SDCCAG8: variants seen among roughly 807,000 people sequenced by gnomAD.
SDCCAG8 encodes SHH signaling and ciliogenesis regulator SDCCAG8, also known as serologically defined colon cancer antigen 8.
In SDCCAG8, 74 loss-of-function variants were observed where a neutral mutation model predicts 101.8. The observed-to-expected ratio is 0.73, with a 90% CI of 0.60 to 0.88. SDCCAG8 has a LOEUF of 0.88. Ranked by LOEUF, SDCCAG8 falls within the 40% of genes least tolerant of loss-of-function variation. The pLI, the probability that SDCCAG8 is intolerant of heterozygous loss-of-function variation, is 0.00. For synonymous variants in SDCCAG8, 281 were observed against 292.9 expected (o/e 0.96, Z 0.41); for missense variants, 787 against 822.6 (o/e 0.96, Z 0.53).
chr1:243,419,360 C>T (rs2080829019), intron 15 of SDCCAG8, among the ~76,000 whole-genome samples: 1 of 152,052 alleles, frequency 6.6e-6, no homozygotes, highest in Non-Finnish European at 1.5e-5. Flanking sequence ...TATTCTTAAC[C>T]AGAAATACTT....
intron 17 of SDCCAG8, among the ~76,000 whole-genome samples, chr1:243,495,668 G>A (rs532333336): frequency 3.9e-5 from 6 of 152,278 alleles, no homozygotes; most frequent in African/African-American, 1.2e-4. Context: ...ACTGCCCCTC[G>A]GCTCTGTAGA....
intron 5 of SDCCAG8, among the ~76,000 whole-genome samples, chr1:243,292,562 C>T (rs900621580): frequency 3.9e-5 from 6 of 152,146 alleles, no homozygotes; most frequent in African/African-American, 1.4e-4. Context: ...TAGCCACTTC[C>T]TACCTCTGTG....
At chr1:243,326,475 A>T (rs1372571403) in intron 9 of SDCCAG8, among the ~76,000 whole-genome samples, 1 of 152,226 alleles carries the variant, frequency 6.6e-6, no homozygotes, top group Non-Finnish European at 1.5e-5. Flanking sequence ...TCACAAGGAT[A>T]GAAAATAACG....
At chr1:243,460,170 A>C (rs1042169733) in intron 16 of SDCCAG8, among the ~76,000 whole-genome samples, 6 of 152,216 alleles carry the variant, frequency 3.9e-5, no homozygotes, top group African/African-American at 1.4e-4. Context: ...GAATCTATTT[A>C]TTAGAACAAT....
intron 6 of SDCCAG8, among the ~76,000 whole-genome samples, chr1:243,297,997 A>G (rs1356102104): frequency 2.6e-5 from 4 of 151,490 alleles, no homozygotes; most frequent in Admixed American, 6.6e-5. Context: ...TTTTCCAACT[A>G]CAATCATGAA....
intron 13 of SDCCAG8, among the ~76,000 whole-genome samples, chr1:243,411,837 G>A (rs1281816366): frequency 1.3e-5 from 2 of 152,132 alleles, no homozygotes; most frequent in South Asian, 2.1e-4. Context: ...GTTGATGCAC[G>A]TTTAAGTTGT....
chr1:243,274,779 T>TA, intron 4 of SDCCAG8, 123 bp downstream of exon 4: 1 of 633,390 alleles, frequency 1.6e-6, no homozygotes, highest in East Asian at 3.0e-5. Flanking sequence ...TTGCTATTCT[T>TA]ACGTGATTGA....
Position 243,395,807 on chromosome 1 carries a change from C to T in SDCCAG8, c.1616+16944C>T, listed in dbSNP as rs576715274. 7.9e-5 allele frequency among the ~76,000 whole-genome samples: 12 copies of T among 152,062 alleles called. No individual in the cohort carries two copies. In the East Asian group the frequency reaches 1.2e-3, roughly 15 times the overall value. On this transcript the variant is annotated intron_variant, in intron 13 of 17. Transcript: ENST00000366541. ...TTTAAGATTTAAATTTTAAATTCCACGTTTTCTCCACTGCTTTTGTTAATA... is the reference window on the plus strand; with the variant it reads ...TTTAAGATTTAAATTTTAAATTCCATGTTTTCTCCACTGCTTTTGTTAATA...
chr1:243,365,141 A>G (rs2076928724), intron 12 of SDCCAG8, among the ~76,000 whole-genome samples: 1 of 152,174 alleles, frequency 6.6e-6, no homozygotes, highest in African/African-American at 2.4e-5. Context: ...GTTCTAGTAC[A>G]GTTGAGTGGG....
intron 11 of SDCCAG8, 48 bp downstream of exon 11, chr1:243,341,221 T>A: frequency 6.2e-7 from 1 of 1,603,796 alleles, no homozygotes; most frequent in Non-Finnish European, 8.5e-7. Flanking sequence ...AAATATTTCC[T>A]TTGAAAAATG....
At chr1:243,317,795 A>G (rs376515499) in intron 9 of SDCCAG8, among the ~76,000 whole-genome samples, 9 of 152,152 alleles carry the variant, frequency 5.9e-5, no homozygotes, top group African/African-American at 1.9e-4. Context: ...AGTTGCATGT[A>G]TTTTCCCTAG....
At chr1:243,424,479 T>TATTA (rs1217057514) in intron 15 of SDCCAG8, among the ~76,000 whole-genome samples, 1 of 152,084 alleles carries the variant, frequency 6.6e-6, no homozygotes, top group African/African-American at 2.4e-5. Flanking sequence ...AAATAACCAA[T>TATTA]ATTAATAGTT....
intron 8 of SDCCAG8, among the ~76,000 whole-genome samples, chr1:243,314,175 G>A (rs1230756867): frequency 1.3e-5 from 2 of 152,168 alleles, no homozygotes; most frequent in African/African-American, 4.8e-5. Flanking sequence ...TTCCCAGGTG[G>A]GCTCAAAGCT....
intron 16 of SDCCAG8, among the ~76,000 whole-genome samples, chr1:243,431,421 G>C (rs2081756479): frequency 6.6e-6 from 1 of 152,186 alleles, no homozygotes. Flanking sequence ...GCCTAGTGCT[G>C]CTACTTACTG....
rs1265664465 is a variant in SDCCAG8 at position 243,396,968 on chromosome 1, G to A, written c.1616+18105G>A. ...CTTGAAGAAGAAAGCAGAAGCTTGC[G>A]GTAAACAAAGTTCACTTCTGACAGA... On this transcript the variant is annotated intron_variant, in intron 13 of 17. Transcript: ENST00000366541. Among the ~76,000 whole-genome samples, 4 of 152,214 alleles carry A rather than the reference G, an allele frequency of 2.6e-5. No individual in the cohort carries two copies. In the East Asian group the frequency reaches 7.7e-4, roughly 29 times the overall value.
At chr1:243,392,600 A>G (rs1306290789) in intron 13 of SDCCAG8, among the ~76,000 whole-genome samples, 1 of 152,246 alleles carries the variant, frequency 6.6e-6, no homozygotes, top group Non-Finnish European at 1.5e-5. Context: ...AATAAAATCC[A>G]TCTACAGTGA....
At position 243,451,100 on chromosome 1, in the gene SDCCAG8, T is replaced by C. The variant is rs116643480; in HGVS notation, c.1985+24542T>C. Among the ~76,000 whole-genome samples the C allele has an allele frequency of 5.0e-3, 767 of 152,378 alleles. 12 individuals are homozygous for C. Among genetic ancestry groups the C allele is most frequent in the African/African-American group, 0.017 (708 of 41,596 alleles). ...ATCTTTTGCATACACAGAAGGTATA[T>C]AGTTATAGATCTATAGATGGATATG... is the stretch of plus-strand genomic sequence containing the variant. On this transcript the variant is annotated intron_variant, in intron 16 of 17. Transcript: ENST00000366541.
chr1:243,384,008 A>C (rs563051791), intron 13 of SDCCAG8, among the ~76,000 whole-genome samples: 6 of 152,170 alleles, frequency 3.9e-5, no homozygotes, highest in Admixed American at 3.3e-4. Context: ...CTCCCCATTG[A>C]TTCTTGTCAG....
At chr1:243,324,443 T>C (rs1331815260) in intron 9 of SDCCAG8, among the ~76,000 whole-genome samples, 1 of 148,038 alleles carries the variant, frequency 6.8e-6, no homozygotes, top group Non-Finnish European at 1.5e-5. Context: ...GGTTCAAGGC[T>C]TCACATCTTC....
Sources: allele counts gnomAD v4.1 joint callset (sites outside exome capture counted in the v4.1 genomes callset), GRCh38; gene constraint gnomAD v4.1.1; transcripts MANE v1.5; gene names NCBI Gene and HGNC (gene_info 2026-07-23, HGNC 2026-07-21).